PDE10A: variants seen among roughly 807,000 people sequenced by gnomAD.
PDE10A encodes phosphodiesterase 10A.
PDE10A carries 39 observed loss-of-function variants against 97.7 expected under a neutral mutation model. The ratio of observed to expected loss-of-function variants is 0.40; its 90% confidence interval spans 0.31 to 0.52. The LOEUF is 0.52. Ranked by LOEUF, PDE10A falls within the 20% of genes least tolerant of loss-of-function variation. The pLI, the probability that PDE10A is intolerant of heterozygous loss-of-function variation, is 0.56. For missense variants in PDE10A, 731 were observed against 1,047.8 expected (o/e 0.70, Z 4.17); for synonymous variants, 371 against 376.8 (o/e 0.98, Z 0.18).
rs532881106 is a variant in PDE10A, at chr6:165,846,569, G to T, written c.-615+140960C>A. 1.4e-3 allele frequency among the ~76,000 whole-genome samples: 208 copies of T among 152,320 alleles called. 1 individual carries two copies. Among genetic ancestry groups the T allele is most frequent in the Non-Finnish European group, 2.4e-3 (161 of 68,020 alleles). On this transcript the variant is annotated intron_variant, in intron 1 of 19. Transcript: ENST00000366882. The stretch of plus-strand genomic sequence containing the variant: ...CATCCCCTCAGCCCTTCCCATCACA[G>T]TGTGCACCATCAGTCCACAAGCCTT...
At chr6:165,760,775 T>C (rs781086548) in intron 1 of PDE10A, among the ~76,000 whole-genome samples, 2 of 152,146 alleles carry the variant, frequency 1.3e-5, no homozygotes, top group Non-Finnish European at 2.9e-5. Context: ...ATCGAGTTCA[T>C]AGAAATTAAG....
chr6:165,366,479 A>G lies in PDE10A; in HGVS notation c.2783+12715T>C, dbSNP rs151057163. Among the ~76,000 whole-genome samples the G allele has an allele frequency of 5.2e-3, 791 of 152,354 alleles. 5 individuals are homozygous for G. The highest frequency in any genetic ancestry group is 0.018 in the African/African-American group (761 of 41,592). On this transcript the variant is annotated intron_variant, in intron 18 of 21. Coordinates refer to ENST00000539869, the MANE Select transcript of PDE10A (RefSeq NM_001385079.1). ...ATAGAATAATAATAATAAATTCTAG[A>G]TAGAACTAAAAACAAATCTTGAAGA... is the stretch of plus-strand genomic sequence containing the variant.
chr6:165,336,170 G>T lies in PDE10A; in HGVS notation c.3018C>A (p.Thr1006=). Residue 1006 remains threonine (T), a synonymous_variant, in exon 21 of 22, where the codon ACC becomes ACA. Coordinates refer to ENST00000539869, the MANE Select transcript of PDE10A (RefSeq NM_001385079.1). ...YNAVAIPCYT[T]LTQILPPTEP... is the part of the protein sequence containing the mutation. ...CCGTGGGAGGGAGGATCTGGGTAAG[G>T]GTTGTATAGCAGGGAATGGCCACGG... 14 of 1,614,044 alleles carry T rather than the reference G, an allele frequency of 8.7e-6. No homozygotes were observed. The highest frequency in any genetic ancestry group is 1.2e-5 in the Non-Finnish European group (14 of 1,179,966).
At chr6:165,464,294 C>T (rs1248003192) in intron 3 of PDE10A, among the ~76,000 whole-genome samples, 1 of 152,122 alleles carries the variant, frequency 6.6e-6, no homozygotes, top group African/African-American at 2.4e-5. Flanking sequence ...AGATGAAAAA[C>T]CATGACTCAT....
At position 165,601,290 on chromosome 6, in the gene PDE10A, C is replaced by T. The variant is rs535760919; in HGVS notation, c.866-57722G>A. Among the ~76,000 whole-genome samples, 20 of 152,250 alleles carry T rather than the reference C, an allele frequency of 1.3e-4. 1 individual carries two copies. Among genetic ancestry groups the T allele is most frequent in the African/African-American group, 3.9e-4 (16 of 41,556 alleles). On this transcript the variant is annotated intron_variant, in intron 1 of 21. Coordinates refer to ENST00000539869, the MANE Select transcript of PDE10A (RefSeq NM_001385079.1). ...TTAAACCTCTCTTTCTTCCCAGTCTCGGGTATGTCTTTATCAGCAGTGTGA... is the reference window on the plus strand; with the variant it reads ...TTAAACCTCTCTTTCTTCCCAGTCTTGGGTATGTCTTTATCAGCAGTGTGA...
At chr6:165,414,036 A>AATAAC (rs1329873688) in intron 12 of PDE10A, among the ~76,000 whole-genome samples, 1 of 152,218 alleles carries the variant, frequency 6.6e-6, no homozygotes, top group Non-Finnish European at 1.5e-5. Context: ...AATTTGGTAA[A>AATAAC]ATAACATAAT....
At chr6:165,852,174 G>T (rs921059117) in intron 1 of PDE10A, among the ~76,000 whole-genome samples, 1 of 152,172 alleles carries the variant, frequency 6.6e-6, no homozygotes, top group African/African-American at 2.4e-5. Context: ...GTGCTGGAAG[G>T]CTCTCTTAGA....
At position 165,869,065 on chromosome 6, in the gene PDE10A, C is replaced by T. The variant is rs572999155; in HGVS notation, c.-615+118464G>A. ...AAGGCAAGGATGCCCACTATCACCACTCTTATTCAACATCGTGCTGGAAGT... is the reference window on the plus strand; with the variant it reads ...AAGGCAAGGATGCCCACTATCACCATTCTTATTCAACATCGTGCTGGAAGT... On this transcript the variant is annotated intron_variant, in intron 1 of 19. Transcript: ENST00000366882. 2.6e-5 allele frequency among the ~76,000 whole-genome samples: 4 copies of T among 152,248 alleles called. No individual in the cohort carries two copies. In the South Asian group the frequency reaches 8.3e-4, roughly 32 times the overall value.
chr6:165,687,838 C>T (rs1032052936), intron 1 of PDE10A, among the ~76,000 whole-genome samples: 2 of 152,214 alleles, frequency 1.3e-5, no homozygotes, highest in African/African-American at 4.8e-5. Context: ...CCCAAACTTT[C>T]GCACATTTAA....
At chr6:165,940,316 G>C (rs1366935099) in intron 1 of PDE10A, 2 of 152,282 alleles carry the variant, frequency 1.3e-5, no homozygotes, top group East Asian at 1.9e-4. Flanking sequence ...AAGGAGGACT[G>C]TGTTAAAACA....
intron 14 of PDE10A, 116 bp from the exon 15 acceptor site, chr6:165,395,380 C>T: frequency 1.6e-6 from 1 of 644,640 alleles, no homozygotes; most frequent in Non-Finnish European, 2.7e-6. Context: ...GGAGCTCAGC[C>T]ATCCCTTTTC....
At chr6:165,971,322 C>A (rs1293647161) in intron 1 of PDE10A, among the ~76,000 whole-genome samples, 1 of 152,086 alleles carries the variant, frequency 6.6e-6, no homozygotes, top group African/African-American at 2.4e-5. Flanking sequence ...CAAGGCCATC[C>A]ATGATTCAAT....
chr6:165,589,276 C>G (rs1289156284), intron 1 of PDE10A, among the ~76,000 whole-genome samples: 1 of 152,140 alleles, frequency 6.6e-6, no homozygotes, highest in Non-Finnish European at 1.5e-5. Context: ...TGTATAAGGT[C>G]CCACGCAGCC....
intron 1 of PDE10A, among the ~76,000 whole-genome samples, chr6:165,595,671 C>A (rs971148858): frequency 6.6e-6 from 1 of 152,180 alleles, no homozygotes; most frequent in Non-Finnish European, 1.5e-5. Context: ...AATCTAGGAA[C>A]AACAGAAGCT....
intron 1 of PDE10A, among the ~76,000 whole-genome samples, chr6:165,973,767 C>G (rs577929425): frequency 7.9e-5 from 12 of 152,202 alleles, no homozygotes; most frequent in African/African-American, 2.9e-4. Flanking sequence ...AATGGCTGGA[C>G]CGCAGCAGTG....
In PDE10A at chr6:165,497,596, G is replaced by A. The variant is rs1273454614; in HGVS notation, c.995-15253C>T. On this transcript the variant is annotated intron_variant, in intron 2 of 21. Coordinates refer to ENST00000539869, the MANE Select transcript of PDE10A (RefSeq NM_001385079.1). ...CATCATGACACAACCACGTATATAC[G>A]ACTCTTCTTTTCCATAGTTTACTTC... Among the ~76,000 whole-genome samples, 3 of 152,076 alleles carry A rather than the reference G, an allele frequency of 2.0e-5. 1 individual carries two copies. The highest frequency in any genetic ancestry group is 7.2e-5 in the African/African-American group (3 of 41,414).
chr6:165,702,620 C>A (rs1293787577), intron 1 of PDE10A, among the ~76,000 whole-genome samples: 1 of 152,160 alleles, frequency 6.6e-6, no homozygotes, highest in African/African-American at 2.4e-5. Flanking sequence ...CAGCGGGTGG[C>A]CCACCTGTGA....
chr6:165,726,985 G>A (rs1232198518), intron 1 of PDE10A, among the ~76,000 whole-genome samples: 1 of 152,178 alleles, frequency 6.6e-6, no homozygotes, highest in Non-Finnish European at 1.5e-5. Context: ...CCACAGAAAC[G>A]CCCCCGTGTC....
chr6:165,388,247 T>A lies in PDE10A; in HGVS notation c.2610+51A>T. On this transcript the variant is annotated intron_variant, in intron 17 of 21. Transcript: ENST00000539869. The surrounding 1 kb of genome is among the most constrained non-coding windows in gnomAD (Gnocchi z 4.0). ...CTTTTCCACCTATGAAGTATCCCTA[T>A]CTCCCAGACAGCCCTTCAGACTAAG... is the stretch of plus-strand genomic sequence containing the variant. 1 of 1,565,566 alleles carries A rather than the reference T, an allele frequency of 6.4e-7. No homozygotes were observed. The highest frequency in any genetic ancestry group is 8.8e-7 in the Non-Finnish European group (1 of 1,138,160).
Sources: allele counts gnomAD v4.1 joint callset (sites outside exome capture counted in the v4.1 genomes callset), GRCh38; gene constraint gnomAD v4.1.1; non-coding constraint Gnocchi (gnomAD v3.1); transcripts MANE v1.5; gene names NCBI Gene and HGNC (gene_info 2026-07-23, HGNC 2026-07-21).